The following RHBDD1 variants were observed in gnomAD, a reference collection of about 807,000 sequenced individuals.
RHBDD1 encodes the protein rhomboid-related protein 4.
A neutral mutation model predicts 36.3 loss-of-function variants in RHBDD1; 38 were observed. The observed-to-expected ratio is 1.05, with a 90% CI of 0.81 to 1.37. The LOEUF (loss-of-function observed/expected upper bound fraction) is 1.37, where lower values mean the gene tolerates loss of function less well. RHBDD1 is among the 40% of genes most tolerant of loss of function. The probability of loss-of-function intolerance (pLI) is 0.00; values close to 1 mark genes in which losing one functional copy is unlikely to be tolerated. For missense variants in RHBDD1, 393 were observed against 377.6 expected (o/e 1.04, Z -0.34); for synonymous variants, 151 against 136.5 (o/e 1.11, Z -0.74).
In RHBDD1 at chr2:226,948,474, G is replaced by A. The variant is rs539175342; in HGVS notation, c.856+34123G>A. On this transcript the variant is annotated intron_variant, in intron 8 of 8. Transcript: ENST00000392062. ...GGAGACATACCTCATGCTAGATGAC[G>A]AGTTAGTGGGTGCAGCGCACCAGCA... Among the ~76,000 whole-genome samples, 5 of 145,610 alleles carry A rather than the reference G, an allele frequency of 3.4e-5. No homozygotes were observed. The East Asian group carries it at 6.2e-4, about 18-fold the overall frequency.
At chr2:226,835,097 G>A (rs1940853484), upstream of RHBDD1, among the ~76,000 whole-genome samples, 1 of 152,034 alleles carries the variant, frequency 6.6e-6, no homozygotes, top group Non-Finnish European at 1.5e-5. Flanking sequence ...TTTAAATAGA[G>A]ACAAGGTCTC....
intron 8 of RHBDD1, among the ~76,000 whole-genome samples, chr2:226,971,042 C>A (rs1420385752): frequency 6.6e-6 from 1 of 152,184 alleles, no homozygotes; most frequent in Non-Finnish European, 1.5e-5. Context: ...ATTTCGTAGA[C>A]ACTTAATTAA....
At chr2:226,909,007 C>A in intron 7 of RHBDD1, 129 bp downstream of exon 7, 1 of 623,322 alleles carries the variant, frequency 1.6e-6, no homozygotes. Flanking sequence ...TGTAACTGTG[C>A]CTCTAACACA....
intron 8 of RHBDD1, among the ~76,000 whole-genome samples, chr2:226,978,577 CATTTGTTCATTT>C (rs1487365421): frequency 1.3e-5 from 2 of 152,318 alleles, no homozygotes; most frequent in Admixed American, 6.5e-5. Flanking sequence ...TCCATTCCTG[CATTTGTTCATTT>C]ATTTGTTCAT....
At chr2:226,947,086 T>C (rs1951038154) in intron 8 of RHBDD1, among the ~76,000 whole-genome samples, 1 of 152,184 alleles carries the variant, frequency 6.6e-6, no homozygotes, top group Non-Finnish European at 1.5e-5. Context: ...TCTTTTGCTG[T>C]GCAGAAGCTC....
At chr2:226,949,022 T>C (rs946656779) in intron 8 of RHBDD1, among the ~76,000 whole-genome samples, 1 of 152,080 alleles carries the variant, frequency 6.6e-6, no homozygotes, top group Non-Finnish European at 1.5e-5. Flanking sequence ...TGAACTCCCA[T>C]TCACAATTGC....
upstream of RHBDD1, chr2:226,835,843 G>A: frequency 6.6e-6 from 1 of 152,530 alleles, no homozygotes; most frequent in Non-Finnish European, 1.5e-5. Flanking sequence ...TCCTTACTGC[G>A]CTCTGCCGCG....
chr2:226,958,702 C>CTGTGTGTGTGTGTGTGTGTGTGTG (rs10666758), intron 8 of RHBDD1, among the ~76,000 whole-genome samples: 1 of 138,826 alleles, frequency 7.2e-6, no homozygotes, highest in African/African-American at 2.7e-5. Flanking sequence ...AAGGATTTTT[C>CTGTGTGTGTGTGTGTGTGTGTGTG]TGTGTGTGTG....
intron 5 of RHBDD1, among the ~76,000 whole-genome samples, chr2:226,889,073 T>G (rs958235979): frequency 6.6e-6 from 1 of 152,220 alleles, no homozygotes; most frequent in Non-Finnish European, 1.5e-5. Flanking sequence ...ATTCATAAAT[T>G]CCACTTCAGC....
At chr2:226,875,993 A>T (rs997036388) in intron 5 of RHBDD1, among the ~76,000 whole-genome samples, 2 of 152,216 alleles carry the variant, frequency 1.3e-5, no homozygotes, top group African/African-American at 4.8e-5. Flanking sequence ...TTACTTGACA[A>T]TAGCACCCTT....
intron 5 of RHBDD1, among the ~76,000 whole-genome samples, chr2:226,870,674 C>T (rs1044456340): frequency 3.9e-5 from 6 of 152,126 alleles, no homozygotes; most frequent in African/African-American, 1.4e-4. Flanking sequence ...GACTGAAAGC[C>T]TTACTAATAA....
At chr2:226,969,895 C>T (rs549420106) in intron 8 of RHBDD1, among the ~76,000 whole-genome samples, 3 of 151,982 alleles carry the variant, frequency 2.0e-5, no homozygotes, top group South Asian at 2.1e-4. Flanking sequence ...CATCCTGTGG[C>T]GAGGCACAAA....
chr2:226,934,972 G>A (rs141788394), intron 8 of RHBDD1, among the ~76,000 whole-genome samples: 30 of 151,948 alleles, frequency 2.0e-4, no homozygotes, highest in African/African-American at 7.0e-4. Context: ...GGTTGAAGCC[G>A]GAAATCCTTA....
chr2:226,889,150 C>T (rs571339515), intron 5 of RHBDD1, among the ~76,000 whole-genome samples: 2 of 152,318 alleles, frequency 1.3e-5, no homozygotes, highest in Admixed American at 6.5e-5. Context: ...TACTGTTTAA[C>T]ACACATGGTT....
chr2:226,818,152 ATTTTTTT>A, the RHBDD1 span, among the ~76,000 whole-genome samples: 16 of 86,244 alleles, frequency 1.9e-4, no homozygotes, highest in African/African-American at 6.0e-4. Context: ...TCCAAACAGT[ATTTTTTT>A]TTTTTTTTTT....
chr2:226,972,443 G>C (rs1055987397), intron 8 of RHBDD1, among the ~76,000 whole-genome samples: 1 of 152,168 alleles, frequency 6.6e-6, no homozygotes, highest in Non-Finnish European at 1.5e-5. Flanking sequence ...TCTCAGCCCT[G>C]CTATGCCCCC....
At chr2:226,880,352 C>T (rs923490318) in intron 5 of RHBDD1, among the ~76,000 whole-genome samples, 5 of 152,184 alleles carry the variant, frequency 3.3e-5, no homozygotes, top group Non-Finnish European at 5.9e-5. Flanking sequence ...TCTTTACAGA[C>T]TACCTTAAAG....
rs563858685 is a variant in RHBDD1, at chr2:226,921,062, G to A, written c.856+6711G>A. ...CTTTTTATTGGTTTGTTTAGGTTTT[G>A]GGTTTCTTCATGGTTTAATCTTGGT... On this transcript the variant is annotated intron_variant, in intron 8 of 8. Coordinates refer to ENST00000392062, the MANE Select transcript of RHBDD1 (RefSeq NM_001167608.3). Among the ~76,000 whole-genome samples the A allele has an allele frequency of 1.8e-4, 28 of 152,038 alleles. 1 individual carries two copies. In the South Asian group the frequency reaches 5.4e-3, roughly 29 times the overall value.
chr2:226,972,294 T>A (rs1244988385), intron 8 of RHBDD1, among the ~76,000 whole-genome samples: 1 of 152,176 alleles, frequency 6.6e-6, no homozygotes, highest in African/African-American at 2.4e-5. Context: ...TTCCATGGTG[T>A]ATATGTGCCA....
Sources: allele counts gnomAD v4.1 joint callset (sites outside exome capture counted in the v4.1 genomes callset), GRCh38; gene constraint gnomAD v4.1.1; transcripts MANE v1.5; gene names NCBI Gene and HGNC (gene_info 2026-07-23, HGNC 2026-07-21).